MACF1: variants seen among roughly 807,000 people sequenced by gnomAD.
The protein encoded by MACF1 is microtubule actin crosslinking factor 1, also known as microtubule-actin cross-linking factor 1.
A neutral mutation model predicts 854.8 loss-of-function variants in MACF1; 193 were observed. The observed-to-expected ratio is 0.23, with a 90% CI of 0.20 to 0.25. The LOEUF is 0.25. Among genes scored for constraint, MACF1 ranks in the 10% least tolerant of loss-of-function variants. MACF1 has a pLI of 1.00. For synonymous variants in MACF1, 3,185 were observed against 3,226.7 expected (o/e 0.99, Z 0.44); for missense variants, 7,722 against 8,929.1 (o/e 0.86, Z 5.45).
At chr1:39,435,922 C>A in intron 70 of MACF1, 161 bp downstream of exon 70, 1 of 629,440 alleles carries the variant, frequency 1.6e-6, no homozygotes, top group Non-Finnish European at 2.7e-6. Flanking sequence ...ATTTTTATTC[C>A]AAGGAACATT....
rs555082084 is a variant in MACF1, at chr1:39,460,867, A to G, written c.21523+73A>G. 2.6e-5 allele frequency: 40 copies of G among 1,540,360 alleles called. No individual in the cohort carries two copies. In the East Asian group the frequency reaches 7.7e-4, roughly 30 times the overall value. ...CACTTTGTAGAAGCTGTGATATTCT[A>G]GCTAAACAGTCTTTCTGAAGCTGGC... On this transcript the variant is annotated intron_variant, in intron 92 of 100. Coordinates refer to ENST00000564288, the MANE Select transcript of MACF1 (RefSeq NM_001394062.1). This position sits in a 1 kb window ranked among gnomAD's most constrained non-coding sequence, Gnocchi z 4.1.
At position 39,463,644 on chromosome 1, in the gene MACF1, A is replaced by G. The variant is rs1644602824; in HGVS notation, c.21711A>G (p.Ala7237=). 1 of 1,613,576 alleles carries G rather than the reference A, an allele frequency of 6.2e-7. No homozygotes were observed. Among genetic ancestry groups the G allele is most frequent in the African/African-American group, 1.3e-5 (1 of 75,032 alleles). ...GACAAGTGGCTCAGTGCAAATGTGC[A>G]AAAAGGTTTCAGGTGGAGCAGATCG... The part of the protein sequence containing the change: ...VTRQVAQCKC[A]KRFQVEQIGE... The change falls in exon 94 of 101, where the codon GCA becomes GCG. Residue 7237 remains alanine, a synonymous_variant. Coordinates refer to ENST00000564288, the MANE Select transcript of MACF1 (RefSeq NM_001394062.1).
In MACF1 at chr1:39,250,998, GA is replaced by G. The variant is rs367782017; in HGVS notation, c.262-847del. Among the ~76,000 whole-genome samples, 24 of 152,294 alleles carry G rather than the reference GA, an allele frequency of 1.6e-4. No individual in the cohort carries two copies. In the East Asian group the frequency reaches 4.4e-3, roughly 28 times the overall value. On this transcript the variant is annotated intron_variant, in intron 3 of 100. Transcript: ENST00000564288. ...CTGTGGAGAAATAGAGAACCAAAGA[GA>G]TGTATAGCTCAAGTAGTCTGTGAAG... is the stretch of plus-strand genomic sequence containing the variant.
chr1:39,092,783 TTTTC>T (rs1206009452), intron 2 of MACF1, among the ~76,000 whole-genome samples: 2 of 49,162 alleles, frequency 4.1e-5, no homozygotes, highest in African/African-American at 1.1e-4. Context: ...TTCTTTTTTC[TTTTC>T]TTTCTTTTTT....
At chr1:39,410,681 C>G in intron 58 of MACF1, 2 of 1,613,696 alleles carry the variant, frequency 1.2e-6, no homozygotes, top group Non-Finnish European at 8.5e-7. Context: ...TTCATGCCAC[C>G]CAACTTCCCA....
chr1:39,236,730 C>T (rs1644863615), intron 2 of MACF1, among the ~76,000 whole-genome samples: 1 of 152,090 alleles, frequency 6.6e-6, no homozygotes, highest in African/African-American at 2.4e-5. Context: ...GGCGCAATCT[C>T]AGCTCACTGC....
intron 55 of MACF1, among the ~76,000 whole-genome samples, chr1:39,380,912 C>CA (rs1227742302): frequency 6.7e-6 from 1 of 149,078 alleles, no homozygotes; most frequent in Non-Finnish European, 1.5e-5. Context: ...ACCTTGTCTC[C>CA]AAAAAAAACG....
chr1:39,302,855 A>G, intron 22 of MACF1, 69 bp from the exon 23 acceptor site: 1 of 1,440,292 alleles, frequency 6.9e-7, no homozygotes, highest in Non-Finnish European at 9.6e-7. Context: ...TAGCTTTGGG[A>G]TGAGGCACCA....
rs1328932495 is a variant in MACF1, at chr1:39,105,342, C to T, written c.220+20904C>T. Reference sequence around the variant, plus strand: ...GAGGAGCCGCCGCCGCCGCCCGCCGCTGCAGCCGCGCCGGGGCGGGCTGAG... The same window carrying T: ...GAGGAGCCGCCGCCGCCGCCCGCCGTTGCAGCCGCGCCGGGGCGGGCTGAG... On this transcript the variant is annotated intron_variant, in intron 2 of 93. Transcript: ENST00000361689. This position sits in a 1 kb window ranked among gnomAD's most constrained non-coding sequence, Gnocchi z 5.9. 5.3e-6 allele frequency: 5 copies of T among 945,908 alleles called. No individual in the cohort carries two copies. Among genetic ancestry groups the T allele is most frequent in the East Asian group, 2.3e-4 (2 of 8,668 alleles). The allele number at this position is 945,908 out of a possible 1,614,324, so 58.6% of individuals were successfully genotyped here.
intron 2 of MACF1, among the ~76,000 whole-genome samples, chr1:39,100,923 T>A (rs1642057703): frequency 6.6e-6 from 1 of 152,006 alleles, no homozygotes; most frequent in Non-Finnish European, 1.5e-5. Flanking sequence ...CGCGTGTGTG[T>A]GTGTGTGTAT....
chr1:39,188,491 G>A (rs1306860893), intron 2 of MACF1, among the ~76,000 whole-genome samples: 1 of 152,194 alleles, frequency 6.6e-6, no homozygotes, highest in Non-Finnish European at 1.5e-5. Flanking sequence ...GAATAACCAG[G>A]TAGAGGAGGT....
chr1:39,193,377 T>G (rs1644280073), intron 2 of MACF1, among the ~76,000 whole-genome samples: 1 of 152,204 alleles, frequency 6.6e-6, no homozygotes, highest in South Asian at 2.1e-4. Flanking sequence ...GTCCTTTCCC[T>G]TTTTGAAGCA....
At chr1:39,355,354 T>C (rs1487972064) in intron 44 of MACF1, among the ~76,000 whole-genome samples, 1 of 152,030 alleles carries the variant, frequency 6.6e-6, no homozygotes, top group South Asian at 2.1e-4. Flanking sequence ...AAGGTGAGAA[T>C]GAAGGACACC....
At chr1:39,205,607 G>C (rs998522867) in intron 1 of MACF1, among the ~76,000 whole-genome samples, 1 of 152,132 alleles carries the variant, frequency 6.6e-6, no homozygotes, top group Non-Finnish European at 1.5e-5. Context: ...AGGAGGAAGG[G>C]TCAGTCAGTG....
chr1:39,119,281 C>T (rs536685070), intron 2 of MACF1, among the ~76,000 whole-genome samples: 97 of 137,138 alleles, frequency 7.1e-4, no homozygotes, highest in African/African-American at 2.4e-3. Flanking sequence ...CGCACCATTG[C>T]ACTCTAGCCT....
In MACF1 at chr1:39,412,938, AGAG is replaced by A. The variant is rs773641011; in HGVS notation, c.15817-9427_15817-9425del. 5.0e-6 allele frequency: 8 copies of A among 1,602,466 alleles called. No homozygotes were observed. In the African/African-American group the frequency reaches 5.4e-5, roughly 11 times the overall value. ...TCCTAGTTGCTTCAATAGTCTCCTT[AGAG>A]GAGGAGGATGTCACAGCTGCTGCAG... On this transcript the variant is annotated intron_variant, in intron 58 of 100. Coordinates refer to ENST00000564288, the MANE Select transcript of MACF1 (RefSeq NM_001394062.1).
rs781424701 is a variant in MACF1 at position 39,353,084 on chromosome 1, A to G, written c.11277A>G (p.Ser3759=). 1 of 1,614,172 alleles carries G rather than the reference A, an allele frequency of 6.2e-7. No individual in the cohort carries two copies. Among genetic ancestry groups the G allele is most frequent in the South Asian group, 1.1e-5 (1 of 91,084 alleles). ...TGGATTGGGTAACTTCAGTAGGATC[A>G]TCTGGTGGACAGCTGCTGACCAACC... ...ALLDWVTSVG[S]SGGQLLTNLP... Residue 3759 remains serine (S), a synonymous_variant, in exon 44 of 101, where the codon TCA becomes TCG. Transcript: ENST00000564288.
In MACF1 at chr1:39,337,339, C is replaced by T. The variant is rs1646829015; in HGVS notation, c.10215+8C>T. On this transcript the variant is annotated splice_region_variant and intron_variant, in intron 38 of 100. Transcript: ENST00000564288. Reference sequence around the variant, plus strand: ...CTGCTGTGTCAGGCCAAGGTAGGTTCCCAGAGACTTCCACCACAGACACCA... The same window carrying T: ...CTGCTGTGTCAGGCCAAGGTAGGTTTCCAGAGACTTCCACCACAGACACCA... 1.9e-6 allele frequency: 3 copies of T among 1,612,140 alleles called. No individual in the cohort carries two copies. In the African/African-American group the frequency reaches 4.0e-5, roughly 22 times the overall value.
upstream of MACF1, among the ~76,000 whole-genome samples, chr1:39,200,868 A>G (rs1195947564): frequency 6.6e-6 from 1 of 152,182 alleles, no homozygotes; most frequent in Non-Finnish European, 1.5e-5. Flanking sequence ...TGAGGCCAGG[A>G]GTTTGAGACC....
Sources: allele counts gnomAD v4.1 joint callset (sites outside exome capture counted in the v4.1 genomes callset), GRCh38; gene constraint gnomAD v4.1.1; non-coding constraint Gnocchi (gnomAD v3.1); transcripts MANE v1.5; gene names NCBI Gene and HGNC (gene_info 2026-07-23, HGNC 2026-07-21).